Variants in ACTR2 observed in about 807,000 individuals in gnomAD.
ACTR2 encodes actin related protein 2.
A neutral mutation model predicts 50.2 loss-of-function variants in ACTR2; 5 were observed. The observed-to-expected ratio is 0.10, with a 90% CI of 0.05 to 0.21. The LOEUF (loss-of-function observed/expected upper bound fraction) is 0.21. Among genes scored for constraint, ACTR2 ranks in the 10% least tolerant of loss-of-function variants. The pLI is 1.00. For synonymous variants in ACTR2, 140 were observed against 162.9 expected (o/e 0.86, Z 1.07); for missense variants, 180 against 480.6 (o/e 0.37, Z 5.85).
chr2:65,250,968 AT>A, intron 3 of ACTR2, 58 bp from the exon 4 acceptor site: 2 of 1,237,660 alleles, frequency 1.6e-6, no homozygotes, highest in Non-Finnish European at 1.2e-6. Context: ...TGAGGAAAAC[AT>A]TTATTTATTA....
At chr2:65,235,933 T>A (rs1020962697) in intron 1 of ACTR2, among the ~76,000 whole-genome samples, 2 of 152,076 alleles carry the variant, frequency 1.3e-5, no homozygotes, top group Non-Finnish European at 2.9e-5. Flanking sequence ...AATGTAAACA[T>A]GAGGTGAAAG....
At chr2:65,245,464 G>T (rs1671917841) in intron 2 of ACTR2, among the ~76,000 whole-genome samples, 1 of 152,154 alleles carries the variant, frequency 6.6e-6, no homozygotes, top group Non-Finnish European at 1.5e-5. Context: ...AGGTTGTAGT[G>T]AGCTGAGATC....
At chr2:65,262,276 C>G (rs1379196319) in intron 7 of ACTR2, among the ~76,000 whole-genome samples, 1 of 152,164 alleles carries the variant, frequency 6.6e-6, no homozygotes, top group Non-Finnish European at 1.5e-5. Flanking sequence ...CTCACCCAGG[C>G]TGAAGTGTAG....
Position 65,228,002 on chromosome 2 carries a change from G to A in ACTR2, c.48+45G>A, listed in dbSNP as rs772680221. 7.5e-6 allele frequency: 11 copies of A among 1,473,852 alleles called. No individual in the cohort carries two copies. In the African/African-American group the frequency reaches 1.5e-4, roughly 20 times the overall value. The allele number at this position is 1,473,852 out of a possible 1,614,324, so 91.3% of individuals were successfully genotyped here. ...GCCTTGGCGGCCACAGACGCCGGCG[G>A]GGACGAGCAGCTGGCGCACGGGCCC... On this transcript the variant is annotated intron_variant, in intron 1 of 8. Coordinates refer to ENST00000260641, the MANE Select transcript of ACTR2 (RefSeq NM_005722.4).
intron 3 of ACTR2, among the ~76,000 whole-genome samples, chr2:65,250,757 CTAA>C (rs1411852270): frequency 2.7e-5 from 4 of 150,928 alleles, no homozygotes; most frequent in African/African-American, 9.7e-5. Flanking sequence ...TTCTTTCACA[CTAA>C]TTAGTCATTA....
intron 7 of ACTR2, among the ~76,000 whole-genome samples, chr2:65,263,017 T>TAA (rs949844862): frequency 6.6e-6 from 1 of 150,850 alleles, no homozygotes; most frequent in Admixed American, 6.6e-5. Flanking sequence ...TATATATATA[T>TAA]AAAACATATT....
At chr2:65,250,300 G>T (rs1487578463) in intron 3 of ACTR2, among the ~76,000 whole-genome samples, 3 of 151,658 alleles carry the variant, frequency 2.0e-5, no homozygotes, top group Non-Finnish European at 4.4e-5. Flanking sequence ...GGAGGTGGAG[G>T]TTGCAGTGAG....
At position 65,257,184 on chromosome 2, in the gene ACTR2, G is replaced by C. The variant is rs1362957587; in HGVS notation, c.735+1490G>C. Among the ~76,000 whole-genome samples, 3 of 150,796 alleles carry C rather than the reference G, an allele frequency of 2.0e-5. No individual in the cohort carries two copies. In the East Asian group the frequency reaches 5.8e-4, roughly 29 times the overall value. On this transcript the variant is annotated intron_variant, in intron 6 of 8. Transcript: ENST00000260641. The stretch of plus-strand genomic sequence containing the variant: ...TCATTGTCAGCTCCCACTTATGAAT[G>C]AGAACATTTGGTGTTTGGTTTTCTG...
At chr2:65,255,490 C>T (rs1672133728) in intron 5 of ACTR2, 55 bp from the exon 6 acceptor site, 3 of 1,494,000 alleles carry the variant, frequency 2.0e-6, no homozygotes, top group Admixed American at 3.8e-5. Flanking sequence ...CTAGCTTTTG[C>T]AGAGTAGAAC....
In ACTR2 at chr2:65,268,107, G is replaced by T. The variant is rs188654707; in HGVS notation, c.1015-457G>T. Among the ~76,000 whole-genome samples, 545 of 151,866 alleles carry T rather than the reference G, an allele frequency of 3.6e-3. 3 individuals carry two copies. The highest frequency in any genetic ancestry group is 0.012 in the African/African-American group (501 of 41,448). ...CCGCCTTGGCCTCCCAAAGTGCTGGGATTACACTTGAGCCACCACACCCAG... is the reference window on the plus strand; with the variant it reads ...CCGCCTTGGCCTCCCAAAGTGCTGGTATTACACTTGAGCCACCACACCCAG... On this transcript the variant is annotated intron_variant, in intron 8 of 8. Transcript: ENST00000260641.
chr2:65,257,570 T>C (rs541776114), intron 6 of ACTR2, among the ~76,000 whole-genome samples: 1 of 152,354 alleles, frequency 6.6e-6, no homozygotes, highest in Non-Finnish European at 1.5e-5. Flanking sequence ...CCACCAACAG[T>C]GTAAAAGCGT....
chr2:65,234,866 T>C (rs1446269018), intron 1 of ACTR2, among the ~76,000 whole-genome samples: 2 of 152,252 alleles, frequency 1.3e-5, no homozygotes, highest in Non-Finnish European at 2.9e-5. Context: ...AGATAATTTA[T>C]ACGCATATAA....
At position 65,246,749 on chromosome 2, in the gene ACTR2, T is replaced by TA. The variant is rs748361209; in HGVS notation, c.375+11dup. ...AGAGAAGATTGTAGAGGTGAGTTTT[T>TA]ATGCAGGATATGCATATGTGTATTT... On this transcript the variant is annotated intron_variant, in intron 3 of 8. Transcript: ENST00000260641. The TA allele has an allele frequency of 6.5e-7, 1 of 1,534,638 alleles. No homozygotes were observed.
intron 3 of ACTR2, among the ~76,000 whole-genome samples, chr2:65,249,919 C>T (rs1043127893): frequency 3.3e-5 from 5 of 152,098 alleles, no homozygotes; most frequent in South Asian, 2.1e-4. Context: ...TTGTCTTTGC[C>T]GTGGCATTTT....
At chr2:65,249,069 C>T (rs914848250) in intron 3 of ACTR2, among the ~76,000 whole-genome samples, 7 of 151,972 alleles carry the variant, frequency 4.6e-5, no homozygotes, top group Non-Finnish European at 1.0e-4. Context: ...TAAGCAGTTA[C>T]AGAGGAAAGA....
Position 65,268,742 on chromosome 2 carries a change from A to G in ACTR2, c.*8A>G. 6 of 1,612,724 alleles carry G rather than the reference A, an allele frequency of 3.7e-6. No individual in the cohort carries two copies. Among genetic ancestry groups the G allele is most frequent in the Non-Finnish European group, 5.1e-6 (6 of 1,179,352 alleles). On this transcript the variant is annotated 3_prime_UTR_variant, in exon 9 of 9. Coordinates refer to ENST00000260641, the MANE Select transcript of ACTR2 (RefSeq NM_005722.4). ...GGTGTGACTGTTCGATAAACTCCAA[A>G]GCTTGTTCCCGTCATACCCGTAATG...
rs1396435728 is a variant in ACTR2 at position 65,253,742 on chromosome 2, G to A, written c.463G>A (p.Val155Ile). ...CTTTTATGCAGGTTTATTGACTGGT[G>A]TAGTGGTAGACTCTGGAGATGGTGT... Reference protein sequence around the residue: ...TLYAQGLLTGVVVDSGDGVTH... With the variant: ...TLYAQGLLTGIVVDSGDGVTH... The change falls in exon 5 of 9, where the codon GTA becomes ATA. Residue 155 changes from valine to isoleucine, a missense_variant. By Grantham distance (29) the Val-to-Ile change is conservative (BLOSUM62 3). Coordinates refer to ENST00000260641, the MANE Select transcript of ACTR2 (RefSeq NM_005722.4). 1 of 1,613,732 alleles carries A rather than the reference G, an allele frequency of 6.2e-7. No homozygotes were observed. The highest frequency in any genetic ancestry group is 1.7e-5 in the Admixed American group (1 of 59,984).
At chr2:65,235,242 T>C (rs1401935752) in intron 1 of ACTR2, among the ~76,000 whole-genome samples, 1 of 152,038 alleles carries the variant, frequency 6.6e-6, no homozygotes, top group Non-Finnish European at 1.5e-5. Flanking sequence ...AAATACTAGA[T>C]GTTATTCTTT....
intron 7 of ACTR2, 112 bp downstream of exon 7, chr2:65,261,504 C>A: frequency 9.2e-7 from 1 of 1,081,268 alleles, no homozygotes; most frequent in Non-Finnish European, 1.3e-6. Flanking sequence ...AGTTTATAAA[C>A]TTACTTGAAA....
Sources: allele counts gnomAD v4.1 joint callset (sites outside exome capture counted in the v4.1 genomes callset), GRCh38; gene constraint gnomAD v4.1.1; transcripts MANE v1.5; gene names NCBI Gene and HGNC (gene_info 2026-07-23, HGNC 2026-07-21).